The following MAP3K7 variants were observed in gnomAD, a reference collection of about 807,000 sequenced individuals.
MAP3K7 encodes TGF-beta activated kinase 1.
Under a neutral mutation model 84.8 loss-of-function variants are expected in MAP3K7, and 21 were observed. The observed-to-expected ratio is 0.25, with a 90% CI of 0.18 to 0.36. The LOEUF is 0.36. Ranked by LOEUF, MAP3K7 falls within the 10% of genes least tolerant of loss-of-function variation. The pLI, the probability that MAP3K7 is intolerant of heterozygous loss-of-function variation, is 1.00. For synonymous variants in MAP3K7, 241 were observed against 247.7 expected (o/e 0.97, Z 0.25); for missense variants, 503 against 747.7 (o/e 0.67, Z 3.82).
At chr6:90,586,557 G>C (rs1470757643) in intron 1 of MAP3K7, among the ~76,000 whole-genome samples, 2 of 152,112 alleles carry the variant, frequency 1.3e-5, no homozygotes, top group Admixed American at 6.5e-5. Context: ...GTACCCAAGA[G>C]AGGAAAAAAG....
At chr6:90,559,046 GA>G (rs71556576) in intron 5 of MAP3K7, among the ~76,000 whole-genome samples, 31 of 151,940 alleles carry the variant, frequency 2.0e-4, no homozygotes, top group African/African-American at 7.2e-4. Context: ...TCACAATGAA[GA>G]AAAAAAGGCT....
At chr6:90,582,985 C>T (rs1777327994) in intron 1 of MAP3K7, among the ~76,000 whole-genome samples, 1 of 149,580 alleles carries the variant, frequency 6.7e-6, no homozygotes, top group Admixed American at 6.7e-5. Context: ...TGGGTTCAAA[C>T]GATTCTCATG....
chr6:90,553,389 G>A, intron 7 of MAP3K7, 69 bp downstream of exon 7: 2 of 1,377,740 alleles, frequency 1.5e-6, no homozygotes, highest in Admixed American at 2.1e-5. Context: ...CTTTAGGGAA[G>A]GGGACAGGAG....
chr6:90,572,070 A>G (rs1490548409), intron 1 of MAP3K7, among the ~76,000 whole-genome samples: 1 of 152,066 alleles, frequency 6.6e-6, no homozygotes, highest in Non-Finnish European at 1.5e-5. Context: ...TAAAACCAAA[A>G]AAGACACATG....
chr6:90,548,967 TAC>T (rs1776092561), intron 9 of MAP3K7, among the ~76,000 whole-genome samples: 1 of 152,016 alleles, frequency 6.6e-6, no homozygotes. Flanking sequence ...ACTGGCATAA[TAC>T]GTCTGAATGG....
intron 1 of MAP3K7, among the ~76,000 whole-genome samples, chr6:90,581,398 G>T (rs1474088943): frequency 6.6e-6 from 1 of 152,176 alleles, no homozygotes; most frequent in Admixed American, 6.5e-5. Flanking sequence ...GACAGAACAA[G>T]CATAGATCAT....
At chr6:90,579,484 T>A (rs753288890) in intron 1 of MAP3K7, among the ~76,000 whole-genome samples, 1 of 152,170 alleles carries the variant, frequency 6.6e-6, no homozygotes, top group Non-Finnish European at 1.5e-5. Context: ...ATCTCATGGA[T>A]TCATACTCTC....
intron 11 of MAP3K7, among the ~76,000 whole-genome samples, chr6:90,546,121 A>C (rs141468382): frequency 6.6e-6 from 1 of 152,180 alleles, no homozygotes; most frequent in African/African-American, 2.4e-5. Context: ...AATAATGCTT[A>C]TGTGTTATAG....
chr6:90,520,276 CAGGAA>C (rs1775105508), intron 14 of MAP3K7, among the ~76,000 whole-genome samples: 1 of 151,944 alleles, frequency 6.6e-6, no homozygotes, highest in Non-Finnish European at 1.5e-5. Context: ...AAAGGCAAGT[CAGGAA>C]GACAGCAGAC....
chr6:90,547,928 G>A (rs1776056027), intron 10 of MAP3K7, 119 bp downstream of exon 10: 1 of 804,022 alleles, frequency 1.2e-6, no homozygotes, highest in Admixed American at 3.5e-5. Context: ...TCTTTTGCAT[G>A]TTTCAGGAAG....
At chr6:90,575,848 C>G (rs753183603) in intron 1 of MAP3K7, among the ~76,000 whole-genome samples, 2 of 151,980 alleles carry the variant, frequency 1.3e-5, no homozygotes, top group Non-Finnish European at 2.9e-5. Flanking sequence ...ACTCCTTAAA[C>G]CAATATTTCT....
chr6:90,538,737 C>T (rs141459897), intron 12 of MAP3K7, among the ~76,000 whole-genome samples: 32 of 151,950 alleles, frequency 2.1e-4, no homozygotes, highest in African/African-American at 6.7e-4. Context: ...AAAAAAGCTG[C>T]TCTTTTAAGT....
chr6:90,574,477 T>C (rs9342232), intron 1 of MAP3K7, among the ~76,000 whole-genome samples: 6,032 of 152,240 alleles, frequency 0.04, 151 homozygotes, highest in African/African-American at 0.065. Flanking sequence ...ATTTCAACTT[T>C]GTGGCAACAT....
At chr6:90,557,943 T>C (rs911998218) in intron 5 of MAP3K7, among the ~76,000 whole-genome samples, 4 of 152,196 alleles carry the variant, frequency 2.6e-5, no homozygotes, top group African/African-American at 9.7e-5. Flanking sequence ...AACACCTCCC[T>C]AGATCATCAG....
At chr6:90,572,504 C>T (rs746284189) in intron 1 of MAP3K7, among the ~76,000 whole-genome samples, 16 of 150,722 alleles carry the variant, frequency 1.1e-4, no homozygotes, top group African/African-American at 3.4e-4. Flanking sequence ...TACCTGGGTC[C>T]GAGGGTGAAA....
chr6:90,530,323 G>A (rs935114603), intron 13 of MAP3K7, among the ~76,000 whole-genome samples: 1 of 152,088 alleles, frequency 6.6e-6, no homozygotes, highest in Admixed American at 6.6e-5. Flanking sequence ...AAATGAGAAT[G>A]GATTTAGTAT....
At chr6:90,582,840 C>A (rs1777320377) in intron 1 of MAP3K7, among the ~76,000 whole-genome samples, 1 of 150,652 alleles carries the variant, frequency 6.6e-6, no homozygotes, top group African/African-American at 2.4e-5. Flanking sequence ...CATACTAAGT[C>A]AGACATTTTA....
chr6:90,565,596 A>G (rs900898535), intron 3 of MAP3K7, among the ~76,000 whole-genome samples: 1 of 152,224 alleles, frequency 6.6e-6, no homozygotes, highest in African/African-American at 2.4e-5. Context: ...AAAAAAGTCC[A>G]GGACCAGATG....
At position 90,546,121 on chromosome 6, in the gene MAP3K7, A is replaced by G. The variant is rs141468382; in HGVS notation, c.1210+1137T>C. 1.1e-4 allele frequency among the ~76,000 whole-genome samples: 17 copies of G among 152,298 alleles called. No individual in the cohort carries two copies. In the East Asian group the frequency reaches 3.1e-3, roughly 28 times the overall value. On this transcript the variant is annotated intron_variant, in intron 11 of 16. Transcript: ENST00000369329. Reference sequence around the variant, plus strand: ...TGTTTATATGTGAAAAATAATGCTTATGTGTTATAGACACTGTTATTTCGG... The same window carrying G: ...TGTTTATATGTGAAAAATAATGCTTGTGTGTTATAGACACTGTTATTTCGG...
Sources: gnomAD v4.1 joint callset for allele counts (sites outside exome capture counted in the v4.1 genomes callset) on GRCh38, gnomAD v4.1.1 for gene constraint, MANE v1.5 for transcripts, NCBI Gene and HGNC (gene_info 2026-07-23, HGNC 2026-07-21) for gene names.